Variants in ZNF567 observed in about 807,000 individuals in gnomAD.
ZNF567 encodes the protein zinc finger protein 567.
A neutral mutation model predicts 53.9 loss-of-function variants in ZNF567; 36 were observed. That is an observed-to-expected ratio of 0.67 (90% CI 0.51 to 0.88). The LOEUF (loss-of-function observed/expected upper bound fraction) is 0.88, where lower values mean the gene tolerates loss of function less well. ZNF567 is among the 40% of genes least tolerant of loss of function. The pLI, the probability that ZNF567 is intolerant of heterozygous loss-of-function variation, is 0.00. For missense variants in ZNF567, 619 were observed against 764.7 expected (o/e 0.81, Z 2.25); for synonymous variants, 224 against 260.4 (o/e 0.86, Z 1.35).
chr19:36,682,913 A>AT (rs1374588324), upstream of ZNF567, among the ~76,000 whole-genome samples: 2 of 150,730 alleles, frequency 1.3e-5, no homozygotes, highest in Non-Finnish European at 3.0e-5. Context: ...AGCTGGGTTT[A>AT]TTTTTTTAAA....
intron 3 of ZNF567, among the ~76,000 whole-genome samples, chr19:36,705,858 A>C (rs2039462822): frequency 6.6e-6 from 1 of 152,170 alleles, no homozygotes; most frequent in African/African-American, 2.4e-5. Context: ...ATTATTATGA[A>C]ATGCTTCAAT....
chr19:36,719,855 G>A lies in ZNF567; in HGVS notation c.1131G>A (p.Lys377=). The A allele has an allele frequency of 1.2e-6, 2 of 1,614,042 alleles. No homozygotes were observed. Among genetic ancestry groups the A allele is most frequent in the Non-Finnish European group, 1.7e-6 (2 of 1,179,972 alleles). ...CNDCGKSFRQ[K]TTLSLHQRIH... ...ACTGTGGGAAGTCCTTCCGCCAGAA[G>A]ACAACACTCTCTCTACATCAGAGAA... The change falls in exon 6 of 6, where the codon AAG becomes AAA. Residue 377 remains lysine (K), a synonymous_variant. Transcript: ENST00000682579.
chr19:36,724,869 A>G (rs556589792), downstream of ZNF567, among the ~76,000 whole-genome samples: 2 of 151,730 alleles, frequency 1.3e-5, no homozygotes, highest in South Asian at 2.1e-4. Flanking sequence ...AAAAAAAAAA[A>G]GTTCACATTC....
At chr19:36,693,027 C>T (rs1379739293) in intron 2 of ZNF567, among the ~76,000 whole-genome samples, 1 of 152,064 alleles carries the variant, frequency 6.6e-6, no homozygotes, top group Non-Finnish European at 1.5e-5. Context: ...GTGGTTCACA[C>T]CTATAATCCC....
chr19:36,682,497 G>T, the ZNF567 span, among the ~76,000 whole-genome samples: 2 of 151,218 alleles, frequency 1.3e-5, no homozygotes, highest in Admixed American at 6.6e-5. Flanking sequence ...TAACTTTGAG[G>T]TATAATGATT....
intron 3 of ZNF567, among the ~76,000 whole-genome samples, chr19:36,710,366 G>A (rs1286794845): frequency 7.0e-6 from 1 of 142,272 alleles, no homozygotes; most frequent in Non-Finnish European, 1.5e-5. Flanking sequence ...TGTGACTACA[G>A]GTTTTATTCC....
Position 36,712,763 on chromosome 19 carries a change from C to A in ZNF567, c.137-18C>A. ...GTATTATAGCCCAATCAACTTAAGTCTTTTTTTCACTTTTCAGGGTGTCAC... is the reference window on the plus strand; with the variant it reads ...GTATTATAGCCCAATCAACTTAAGTATTTTTTTCACTTTTCAGGGTGTCAC... On this transcript the variant is annotated intron_variant, in intron 4 of 5. Coordinates refer to ENST00000682579, the MANE Select transcript of ZNF567 (RefSeq NM_001322917.1). The A allele has an allele frequency of 6.2e-7, 1 of 1,609,664 alleles. No homozygotes were observed. The highest frequency in any genetic ancestry group is 8.5e-7 in the Non-Finnish European group (1 of 1,177,616).
chr19:36,712,877 T>A lies in ZNF567; in HGVS notation c.223+10T>A. On this transcript the variant is annotated intron_variant, in intron 5 of 5. Coordinates refer to ENST00000682579, the MANE Select transcript of ZNF567 (RefSeq NM_001322917.1). The stretch of plus-strand genomic sequence containing the variant: ...GGTCATACCTGCTTGGGTGAGTTTC[T>A]GGCTCTTAGGCAGACACAGTCTAGC... 6.2e-7 allele frequency: 1 copy of A among 1,610,462 alleles called. No individual in the cohort carries two copies. The highest frequency in any genetic ancestry group is 8.5e-7 in the Non-Finnish European group (1 of 1,177,394).
At chr19:36,684,816 G>A (rs1323584286), upstream of ZNF567, among the ~76,000 whole-genome samples, 2 of 152,128 alleles carry the variant, frequency 1.3e-5, no homozygotes, top group East Asian at 1.9e-4. Context: ...GAAGGATTAG[G>A]ATGATAACAC....
chr19:36,670,716 C>CT, the ZNF567 span, among the ~76,000 whole-genome samples: 1 of 152,188 alleles, frequency 6.6e-6, no homozygotes. Context: ...CAGTAATACG[C>CT]TTTCACTGTG....
chr19:36,707,986 C>T (rs189450945), intron 3 of ZNF567, among the ~76,000 whole-genome samples: 2 of 152,290 alleles, frequency 1.3e-5, no homozygotes, highest in Non-Finnish European at 2.9e-5. Flanking sequence ...GCCTCTAACT[C>T]CTGGGCTCAA....
At chr19:36,699,545 T>A (rs1435223303) in intron 3 of ZNF567, among the ~76,000 whole-genome samples, 5 of 152,350 alleles carry the variant, frequency 3.3e-5, no homozygotes, top group Admixed American at 2.6e-4. Flanking sequence ...TGATTCTTCC[T>A]ACCCATGAGC....
intron 5 of ZNF567, among the ~76,000 whole-genome samples, chr19:36,713,871 G>A (rs2039912820): frequency 1.3e-5 from 2 of 152,238 alleles, no homozygotes; most frequent in South Asian, 4.1e-4. Flanking sequence ...GTAGGCGGAG[G>A]TTCCGGTGAG....
the ZNF567 span, among the ~76,000 whole-genome samples, chr19:36,671,863 C>G: frequency 6.6e-6 from 1 of 152,222 alleles, no homozygotes; most frequent in African/African-American, 2.4e-5. Flanking sequence ...CACAGCAGTA[C>G]TCCATCATAA....
intron 3 of ZNF567, chr19:36,712,076 C>T (rs1455754061): frequency 8.2e-6 from 2 of 243,402 alleles, no homozygotes; most frequent in Admixed American, 5.5e-5. Flanking sequence ...TGACAGAGTC[C>T]TGCTCTGTCG....
downstream of ZNF567, among the ~76,000 whole-genome samples, chr19:36,723,017 T>C (rs1316522064): frequency 6.6e-6 from 1 of 152,140 alleles, no homozygotes; most frequent in East Asian, 1.9e-4. Flanking sequence ...AATAAACCTA[T>C]TAAAGTAACT....
intron 2 of ZNF567, among the ~76,000 whole-genome samples, chr19:36,692,625 C>T (rs1304877576): frequency 3.9e-5 from 6 of 152,124 alleles, no homozygotes; most frequent in Admixed American, 3.9e-4. Flanking sequence ...ATCTTACTGC[C>T]TTGTGCTCCC....
the ZNF567 span, among the ~76,000 whole-genome samples, chr19:36,680,899 C>T: frequency 2.0e-5 from 3 of 152,094 alleles, no homozygotes; most frequent in Non-Finnish European, 4.4e-5. Flanking sequence ...TAGGACCCAA[C>T]CCACCCAGAC....
chr19:36,681,903 T>C, the ZNF567 span, among the ~76,000 whole-genome samples: 1 of 152,154 alleles, frequency 6.6e-6, no homozygotes, highest in Non-Finnish European at 1.5e-5. Flanking sequence ...TAACTCCTAA[T>C]TTCTAGTAGT....
Sources: gnomAD v4.1 joint callset for allele counts (sites outside exome capture counted in the v4.1 genomes callset) on GRCh38, gnomAD v4.1.1 for gene constraint, MANE v1.5 for transcripts, NCBI Gene and HGNC (gene_info 2026-07-23, HGNC 2026-07-21) for gene names.